The following IMMP2L variants were observed in gnomAD, a reference collection of about 807,000 sequenced individuals.
IMMP2L encodes inner mitochondrial membrane peptidase subunit 2, also known as mitochondrial inner membrane protease subunit 2.
In IMMP2L, 18 loss-of-function variants were observed where a neutral mutation model predicts 19.3. The ratio of observed to expected loss-of-function variants is 0.93; its 90% CI spans 0.64 to 1.38. The LOEUF is 1.38. Ranked by LOEUF, IMMP2L falls within the 40% of genes most tolerant of loss-of-function variation. The pLI is 0.00. For missense variants in IMMP2L, 233 were observed against 218.2 expected (o/e 1.07, Z -0.43); for synonymous variants, 76 against 73.0 (o/e 1.04, Z -0.21).
At chr7:110,812,423 T>G (rs1253929336) in intron 5 of IMMP2L, among the ~76,000 whole-genome samples, 1 of 151,998 alleles carries the variant, frequency 6.6e-6, no homozygotes, top group African/African-American at 2.4e-5. Context: ...GAGAAAGTCC[T>G]ATGGAAGTGG....
At chr7:110,854,808 C>T (rs1806585031) in intron 5 of IMMP2L, among the ~76,000 whole-genome samples, 2 of 151,968 alleles carry the variant, frequency 1.3e-5, no homozygotes, top group Admixed American at 1.3e-4. Context: ...CTCATCTCTG[C>T]CTCATACTAG....
intron 5 of IMMP2L, among the ~76,000 whole-genome samples, chr7:110,785,609 A>T (rs1450302443): frequency 1.3e-5 from 2 of 151,968 alleles, no homozygotes; most frequent in Non-Finnish European, 2.9e-5. Context: ...AGATAGAATC[A>T]GTCTTTCCAT....
In IMMP2L at chr7:110,961,849, T is replaced by A. The variant is rs1467973821; in HGVS notation, c.305+1651A>T. ...TTGTATAATTCCATTTAAATAAAATTTCTGGAGAAGGCTAAACTCTAGAGA... is the reference window on the plus strand; with the variant it reads ...TTGTATAATTCCATTTAAATAAAATATCTGGAGAAGGCTAAACTCTAGAGA... On this transcript the variant is annotated intron_variant, in intron 4 of 5. Transcript: ENST00000405709. Among the ~76,000 whole-genome samples, 4 of 151,804 alleles carry A rather than the reference T, an allele frequency of 2.6e-5. No individual in the cohort carries two copies. In the South Asian group the frequency reaches 6.2e-4, roughly 24 times the overall value.
intron 3 of IMMP2L, among the ~76,000 whole-genome samples, chr7:111,113,008 T>C (rs1229637832): frequency 6.6e-6 from 1 of 152,220 alleles, no homozygotes; most frequent in Non-Finnish European, 1.5e-5. Context: ...GATATTAGTG[T>C]TGTTTTATTT....
intron 3 of IMMP2L, among the ~76,000 whole-genome samples, chr7:111,340,443 T>C (rs989642057): frequency 1.3e-5 from 2 of 152,106 alleles, no homozygotes; most frequent in Non-Finnish European, 2.9e-5. Flanking sequence ...AGACTGTGTA[T>C]GTTTTCAGCC....
At chr7:110,849,658 A>G (rs1194068962) in intron 5 of IMMP2L, among the ~76,000 whole-genome samples, 2 of 152,098 alleles carry the variant, frequency 1.3e-5, no homozygotes, top group African/African-American at 2.4e-5. Context: ...AATCAGTGCT[A>G]AAAAGGTAAA....
At chr7:110,671,867 G>A (rs1053417722) in intron 5 of IMMP2L, among the ~76,000 whole-genome samples, 2 of 152,026 alleles carry the variant, frequency 1.3e-5, no homozygotes, top group Admixed American at 6.6e-5. Flanking sequence ...GACTGTTAGC[G>A]GGAGGAAAGA....
intron 5 of IMMP2L, among the ~76,000 whole-genome samples, chr7:110,856,197 T>C: frequency 6.6e-6 from 1 of 152,098 alleles, no homozygotes; most frequent in Admixed American, 6.6e-5. Flanking sequence ...AAGACACTCA[T>C]CGTCAAGTCT....
At chr7:110,952,620 A>G (rs770416554) in intron 4 of IMMP2L, among the ~76,000 whole-genome samples, 1 of 152,162 alleles carries the variant, frequency 6.6e-6, no homozygotes, top group Non-Finnish European at 1.5e-5. Flanking sequence ...ATCAAAAGTT[A>G]GAAACTGATT....
At chr7:111,377,750 A>G (rs1472449883) in intron 3 of IMMP2L, among the ~76,000 whole-genome samples, 1 of 152,002 alleles carries the variant, frequency 6.6e-6, no homozygotes, top group Non-Finnish European at 1.5e-5. Flanking sequence ...ACAAAACTCC[A>G]TTTGATATAT....
At chr7:110,802,572 G>T (rs1300775315) in intron 5 of IMMP2L, among the ~76,000 whole-genome samples, 1 of 151,908 alleles carries the variant, frequency 6.6e-6, no homozygotes, top group Non-Finnish European at 1.5e-5. Flanking sequence ...CAAATATTGA[G>T]AAATATATAA....
intron 3 of IMMP2L, among the ~76,000 whole-genome samples, chr7:110,983,798 G>C (rs1585586764): frequency 6.6e-6 from 1 of 151,886 alleles, no homozygotes; most frequent in Admixed American, 6.6e-5. Context: ...GTAGTATCAA[G>C]GGAAGAGAAT....
chr7:110,794,569 A>G (rs564566415), intron 5 of IMMP2L, among the ~76,000 whole-genome samples: 1 of 152,242 alleles, frequency 6.6e-6, no homozygotes, highest in Admixed American at 6.5e-5. Flanking sequence ...GAGTTAAGAC[A>G]TTTAGGATAT....
intron 3 of IMMP2L, among the ~76,000 whole-genome samples, chr7:111,036,001 T>C (rs1279585461): frequency 1.3e-5 from 2 of 152,326 alleles, no homozygotes; most frequent in South Asian, 2.1e-4. Flanking sequence ...ATGAATGCAA[T>C]GTGCTTAAAA....
intron 3 of IMMP2L, among the ~76,000 whole-genome samples, chr7:111,035,797 T>G (rs1791283717): frequency 6.6e-6 from 1 of 152,188 alleles, no homozygotes; most frequent in Non-Finnish European, 1.5e-5. Flanking sequence ...ATCTATATTC[T>G]TCAACAAAGT....
intron 3 of IMMP2L, among the ~76,000 whole-genome samples, chr7:111,318,148 T>C (rs1283058058): frequency 6.6e-6 from 1 of 152,178 alleles, no homozygotes; most frequent in Admixed American, 6.6e-5. Flanking sequence ...TTTTCCAATA[T>C]AGGTCAGAAT....
chr7:111,079,563 C>T (rs1795714454), intron 3 of IMMP2L, among the ~76,000 whole-genome samples: 1 of 152,302 alleles, frequency 6.6e-6, no homozygotes, highest in Non-Finnish European at 1.5e-5. Context: ...TGTCCCAAAT[C>T]GCACATGAGG....
intron 5 of IMMP2L, among the ~76,000 whole-genome samples, chr7:110,771,587 T>A (rs1799039946): frequency 6.6e-6 from 1 of 152,092 alleles, no homozygotes; most frequent in Non-Finnish European, 1.5e-5. Context: ...CTATCTATCA[T>A]GCTGGCCATG....
At chr7:111,306,275 C>T (rs531125337) in intron 3 of IMMP2L, among the ~76,000 whole-genome samples, 5 of 152,046 alleles carry the variant, frequency 3.3e-5, no homozygotes, top group Admixed American at 2.0e-4. Flanking sequence ...GAATGTACAA[C>T]ATCAACAGTG....
Sources: gnomAD v4.1 joint callset for allele counts (sites outside exome capture counted in the v4.1 genomes callset) on GRCh38, gnomAD v4.1.1 for gene constraint, MANE v1.5 for transcripts, NCBI Gene and HGNC (gene_info 2026-07-23, HGNC 2026-07-21) for gene names.